The following ITPRID1 variants were observed in gnomAD, a reference collection of about 807,000 sequenced individuals.
ITPRID1 encodes the protein ITPR interacting domain containing 1, also known as protein ITPRID1.
Under a neutral mutation model 95.4 loss-of-function variants are expected in ITPRID1, and 96 were observed. The ratio of observed to expected loss-of-function variants is 1.01; its 90% confidence interval spans 0.85 to 1.19. The LOEUF (loss-of-function observed/expected upper bound fraction) is 1.19. ITPRID1 is among the 50% of genes most tolerant of loss of function. The probability of loss-of-function intolerance (pLI) is 0.00; values close to 1 mark genes in which losing one functional copy is unlikely to be tolerated. For synonymous variants in ITPRID1, 510 were observed against 453.6 expected (o/e 1.12, Z -1.58); for missense variants, 1,339 against 1,252.9 (o/e 1.07, Z -1.04).
intron 10 of ITPRID1, among the ~76,000 whole-genome samples, chr7:31,597,852 A>G (rs1786154180): frequency 6.6e-6 from 1 of 152,142 alleles, no homozygotes; most frequent in Admixed American, 6.6e-5. Flanking sequence ...TGGAGAAGGA[A>G]TTTTCCCTGC....
intron 5 of ITPRID1, among the ~76,000 whole-genome samples, chr7:31,560,135 A>G (rs1207827255): frequency 6.6e-6 from 1 of 152,204 alleles, no homozygotes; most frequent in Non-Finnish European, 1.5e-5. Flanking sequence ...AACATTTGTT[A>G]TCTGGGGATG....
At chr7:31,529,032 C>T (rs1011377501) in intron 1 of ITPRID1, among the ~76,000 whole-genome samples, 1 of 152,186 alleles carries the variant, frequency 6.6e-6, no homozygotes, top group African/African-American at 2.4e-5. Flanking sequence ...TGTGCCTACT[C>T]ATCTTCCTAA....
At chr7:31,556,035 T>C (rs892540689) in intron 5 of ITPRID1, among the ~76,000 whole-genome samples, 2 of 152,180 alleles carry the variant, frequency 1.3e-5, no homozygotes, top group African/African-American at 4.8e-5. Flanking sequence ...CAGCATTTCA[T>C]ATCCCCCTAA....
At chr7:31,619,727 T>A (rs1306430768) in intron 10 of ITPRID1, among the ~76,000 whole-genome samples, 1 of 152,092 alleles carries the variant, frequency 6.6e-6, no homozygotes, top group Non-Finnish European at 1.5e-5. Flanking sequence ...ACCAGTTCCA[T>A]CTCACTAGGG....
chr7:31,622,728 G>A (rs1235096457), intron 10 of ITPRID1, among the ~76,000 whole-genome samples: 1 of 152,056 alleles, frequency 6.6e-6, no homozygotes, highest in African/African-American at 2.4e-5. Context: ...ACATTCAAAA[G>A]CTAACAGAAG....
chr7:31,643,451 A>T lies in ITPRID1; in HGVS notation c.2081A>T (p.Glu694Val), dbSNP rs1380856262. 6.2e-7 allele frequency: 1 copy of T among 1,613,888 alleles called. No homozygotes were observed. The highest frequency in any genetic ancestry group is 1.1e-5 in the South Asian group (1 of 91,084). ...LGQILPGTEAEMENLPLNTGS... is the reference protein window; with the variant it reads ...LGQILPGTEAVMENLPLNTGS... ...CAGATACTACCTGGGACAGAAGCTG[A>T]GATGGAAAACCTTCCTCTAAATACT... Residue 694 changes from glutamate to valine, a missense_variant, in exon 12 of 15, where the codon GAG becomes GTG. By Grantham distance (121) the Glu-to-Val change is moderately radical. Coordinates refer to ENST00000615280, the MANE Select transcript of ITPRID1 (RefSeq NM_001257967.3).
chr7:31,637,354 C>G (rs1327851978), intron 10 of ITPRID1, among the ~76,000 whole-genome samples: 1 of 152,120 alleles, frequency 6.6e-6, no homozygotes, highest in Non-Finnish European at 1.5e-5. Context: ...GTCCCACCAA[C>G]AGTGTAAAAG....
At chr7:31,617,693 T>C (rs1787393951) in intron 10 of ITPRID1, among the ~76,000 whole-genome samples, 1 of 152,180 alleles carries the variant, frequency 6.6e-6, no homozygotes, top group African/African-American at 2.4e-5. Context: ...TTCTGATTTA[T>C]ATTAGTGCTC....
Position 31,574,558 on chromosome 7 carries a change from A to G in ITPRID1, c.414A>G (p.Glu138=). Residue 138 remains glutamate (E), a synonymous_variant, in exon 8 of 15, where the codon GAA becomes GAG. Coordinates refer to ENST00000615280, the MANE Select transcript of ITPRID1 (RefSeq NM_001257967.3). ...SVPQSIPEWL[E]FWEIDPVEIL... is the part of the protein sequence containing the mutation. The stretch of plus-strand genomic sequence containing the variant: ...ACCACAGCATTCCTGAATGGCTGGA[A>G]TTTTGGGAGATAGATCCAGTGGAGA... The G allele has an allele frequency of 6.2e-7, 1 of 1,613,354 alleles. No individual in the cohort carries two copies. Among genetic ancestry groups the G allele is most frequent in the East Asian group, 2.2e-5 (1 of 44,870 alleles).
At chr7:31,658,459 T>C, downstream of ITPRID1, 4 of 1,360,968 alleles carry the variant, frequency 2.9e-6, no homozygotes, top group East Asian at 1.0e-4. Flanking sequence ...AAATAGAACA[T>C]TTGTAAAGAG....
chr7:31,529,886 G>C (rs1783540389), intron 1 of ITPRID1: 1 of 1,280,458 alleles, frequency 7.8e-7, no homozygotes, highest in South Asian at 1.3e-5. Context: ...AGGGGTATTA[G>C]CTGTCTGCTC....
intron 3 of ITPRID1, among the ~76,000 whole-genome samples, chr7:31,553,975 G>C (rs572227844): frequency 3.3e-4 from 50 of 152,196 alleles, no homozygotes; most frequent in African/African-American, 1.1e-3. Context: ...GGCAATCCAG[G>C]GACTCTAGTG....
chr7:31,651,113 T>C, intron 12 of ITPRID1, 29 bp from the exon 13 acceptor site: 1 of 1,604,494 alleles, frequency 6.2e-7, no homozygotes, highest in South Asian at 1.1e-5. Flanking sequence ...GAGAGGACTT[T>C]CTTCTCAGTT....
chr7:31,555,854 C>G (rs1282846161), intron 5 of ITPRID1, among the ~76,000 whole-genome samples: 2 of 152,076 alleles, frequency 1.3e-5, no homozygotes. Context: ...AAAAGAAAAC[C>G]TATATGTATC....
At chr7:31,581,606 G>A (rs186832032) in intron 9 of ITPRID1, among the ~76,000 whole-genome samples, 1 of 152,226 alleles carries the variant, frequency 6.6e-6, no homozygotes, top group East Asian at 1.9e-4. Flanking sequence ...GTGGGGGAAT[G>A]TTTCAAAAGC....
At chr7:31,572,248 A>G in intron 7 of ITPRID1, 60 bp downstream of exon 7, 1 of 1,094,914 alleles carries the variant, frequency 9.1e-7, no homozygotes, top group Non-Finnish European at 1.4e-6. Context: ...AATGGATTTC[A>G]TGAAATTATA....
intron 5 of ITPRID1, among the ~76,000 whole-genome samples, chr7:31,564,786 C>T (rs959270400): frequency 6.6e-6 from 1 of 152,102 alleles, no homozygotes; most frequent in African/African-American, 2.4e-5. Flanking sequence ...GGGATAGCGA[C>T]GGCAGAAAAT....
intron 10 of ITPRID1, among the ~76,000 whole-genome samples, chr7:31,588,690 A>G (rs896573875): frequency 4.0e-5 from 6 of 151,576 alleles, no homozygotes; most frequent in African/African-American, 1.5e-4. Context: ...AATTTGAGGA[A>G]ATGATAATAG....
intron 10 of ITPRID1, among the ~76,000 whole-genome samples, chr7:31,636,690 T>G (rs2128202445): frequency 6.6e-6 from 1 of 152,038 alleles, no homozygotes. Flanking sequence ...TAACAGGCTG[T>G]GGGCCCAGAA....
Sources: gnomAD v4.1 joint callset for allele counts (sites outside exome capture counted in the v4.1 genomes callset) on GRCh38, gnomAD v4.1.1 for gene constraint, MANE v1.5 for transcripts, NCBI Gene and HGNC (gene_info 2026-07-23, HGNC 2026-07-21) for gene names.